The following SGK3 variants were observed in gnomAD, a reference collection of about 807,000 sequenced individuals.
The protein encoded by SGK3 is serine/threonine-protein kinase Sgk3.
SGK3 carries 47 observed loss-of-function variants against 68.5 expected under a neutral mutation model. The observed-to-expected ratio is 0.69, with a 90% CI of 0.54 to 0.87. The LOEUF (loss-of-function observed/expected upper bound fraction) is 0.87, where lower values mean the gene tolerates loss of function less well. SGK3 is among the 40% of genes least tolerant of loss of function. SGK3 has a pLI of 0.00. For missense variants in SGK3, 479 were observed against 575.5 expected (o/e 0.83, Z 1.72); for synonymous variants, 181 against 189.1 (o/e 0.96, Z 0.35).
intron 16 of SGK3, among the ~76,000 whole-genome samples, chr8:66,858,353 C>G (rs1304410080): frequency 6.6e-6 from 1 of 151,786 alleles, no homozygotes; most frequent in Non-Finnish European, 1.5e-5. Context: ...GTAGTCCCAG[C>G]TACTCGGGAG....
chr8:66,720,867 G>C (rs1804776489), intron 1 of SGK3, among the ~76,000 whole-genome samples: 1 of 151,924 alleles, frequency 6.6e-6, no homozygotes, highest in Non-Finnish European at 1.5e-5. Flanking sequence ...GATTGCTTGA[G>C]CTGCAGAGGC....
At chr8:66,791,806 A>G (rs183080420) in intron 1 of SGK3, among the ~76,000 whole-genome samples, 1 of 152,316 alleles carries the variant, frequency 6.6e-6, no homozygotes, top group East Asian at 1.9e-4. Context: ...GGACAGGGCC[A>G]GTCTGCCTTA....
chr8:66,724,713 A>T (rs1804927610), intron 1 of SGK3, among the ~76,000 whole-genome samples: 1 of 152,262 alleles, frequency 6.6e-6, no homozygotes, highest in Non-Finnish European at 1.5e-5. Context: ...GATGCAGAAC[A>T]TTGTGTATAA....
chr8:66,729,964 A>G (rs1167238650), intron 1 of SGK3, among the ~76,000 whole-genome samples: 1 of 151,898 alleles, frequency 6.6e-6, no homozygotes, highest in African/African-American at 2.4e-5. Context: ...CAGTCTTCAA[A>G]CTCTCGACCT....
intron 1 of SGK3, among the ~76,000 whole-genome samples, chr8:66,747,485 C>T (rs940567459): frequency 6.6e-6 from 1 of 152,120 alleles, no homozygotes; most frequent in African/African-American, 2.4e-5. Flanking sequence ...CTAAAGGAGA[C>T]CAAGATCTGG....
chr8:66,858,270 G>C (rs1810605606), intron 16 of SGK3, among the ~76,000 whole-genome samples: 1 of 151,920 alleles, frequency 6.6e-6, no homozygotes, highest in Non-Finnish European at 1.5e-5. Context: ...TCAAGACCAA[G>C]ACTGGCTAAC....
intron 1 of SGK3, among the ~76,000 whole-genome samples, chr8:66,716,252 G>T (rs3913346): frequency 6.6e-6 from 1 of 151,988 alleles, no homozygotes; most frequent in African/African-American, 2.4e-5. Flanking sequence ...TGCTACTTCC[G>T]CATCTTGTAG....
intron 1 of SGK3, among the ~76,000 whole-genome samples, chr8:66,773,783 G>A (rs1806592762): frequency 6.6e-6 from 1 of 152,050 alleles, no homozygotes; most frequent in Non-Finnish European, 1.5e-5. Flanking sequence ...AGATGGAGTG[G>A]GATAGCGTGA....
At chr8:66,765,214 C>A (rs1257138832) in intron 1 of SGK3, among the ~76,000 whole-genome samples, 3 of 152,240 alleles carry the variant, frequency 2.0e-5, no homozygotes, top group African/African-American at 7.2e-5. Context: ...CACATCCTCA[C>A]CAACACTTAG....
rs139058698 is a variant in SGK3, at chr8:66,839,569, G to A, written c.742-434G>A. ...TATATATATATATATTTTCATATGG[G>A]TTATATTTGTTCTGCTGGGCTCTAG... On this transcript the variant is annotated intron_variant, in intron 10 of 16. Transcript: ENST00000521198. 6.3e-3 allele frequency among the ~76,000 whole-genome samples: 570 copies of A among 90,906 alleles called. 20 individuals carry two copies. Among genetic ancestry groups the A allele is most frequent in the South Asian group, 0.019 (50 of 2,610 alleles). The allele number at this position is 90,906 out of a possible 152,430, so 59.6% of individuals were successfully genotyped here.
rs1000733742 is a variant in SGK3, at chr8:66,840,340, G to A, written c.891+93G>A. 2.9e-5 allele frequency: 35 copies of A among 1,198,104 alleles called. No individual in the cohort carries two copies. In the African/African-American group the frequency reaches 3.5e-4, roughly 12 times the overall value. The allele number at this position is 1,198,104 out of a possible 1,614,324, so 74.2% of individuals were successfully genotyped here. ...AAAAGTCTCAGAGATTCTGTACTGC[G>A]TTATTTTATTTATATAACATTCTCA... On this transcript the variant is annotated intron_variant, in intron 12 of 16. Transcript: ENST00000521198.
At chr8:66,818,875 A>G (rs1160858793) in intron 5 of SGK3, among the ~76,000 whole-genome samples, 2 of 152,342 alleles carry the variant, frequency 1.3e-5, no homozygotes, top group South Asian at 4.2e-4. Flanking sequence ...TGCCATTAGC[A>G]TACCTTTTGG....
chr8:66,832,879 G>A (rs1809359483), intron 8 of SGK3, among the ~76,000 whole-genome samples: 1 of 151,374 alleles, frequency 6.6e-6, no homozygotes, highest in Non-Finnish European at 1.5e-5. Flanking sequence ...ATCTTATACA[G>A]TTTATGAAAA....
chr8:66,830,927 A>T (rs1006372956), intron 7 of SGK3, among the ~76,000 whole-genome samples: 1 of 152,328 alleles, frequency 6.6e-6, no homozygotes, highest in South Asian at 2.1e-4. Flanking sequence ...ATTGGTTTAG[A>T]TAGAAGCTAT....
intron 14 of SGK3, among the ~76,000 whole-genome samples, chr8:66,846,084 GT>G (rs913231802): frequency 1.1e-4 from 17 of 150,938 alleles, no homozygotes; most frequent in African/African-American, 2.2e-4. Context: ...AATAAATTGG[GT>G]TTTTTTTTGT....
intron 1 of SGK3, among the ~76,000 whole-genome samples, chr8:66,716,153 TA>T (rs1804624602): frequency 6.6e-6 from 1 of 152,254 alleles, no homozygotes; most frequent in South Asian, 2.1e-4. Context: ...TGTTTTCCTT[TA>T]CCTTTTCCAT....
chr8:66,750,423 C>T lies in SGK3; in HGVS notation c.-122+37590C>T, dbSNP rs138580920. 3.6e-3 allele frequency among the ~76,000 whole-genome samples: 555 copies of T among 152,120 alleles called. 7 individuals are homozygous for T. Among genetic ancestry groups the T allele is most frequent in the African/African-American group, 0.013 (530 of 41,510 alleles). ...TTTGTCTAGGTGCTAGAGATACTATCCAATCCTGCCCTCAAAGAATGTAGA... is the reference window on the plus strand; with the variant it reads ...TTTGTCTAGGTGCTAGAGATACTATTCAATCCTGCCCTCAAAGAATGTAGA... On this transcript the variant is annotated intron_variant, in intron 1 of 16. Coordinates refer to ENST00000521198, the MANE Select transcript of SGK3 (RefSeq NM_001033578.3).
chr8:66,839,874 T>C (rs1301479771), intron 10 of SGK3, 129 bp from the exon 11 acceptor site: 2 of 823,484 alleles, frequency 2.4e-6, no homozygotes, highest in Non-Finnish European at 3.7e-6. Context: ...CTTGTTAACA[T>C]TTTTAGCTCA....
chr8:66,777,472 T>C (rs1806758244), intron 1 of SGK3, among the ~76,000 whole-genome samples: 1 of 152,124 alleles, frequency 6.6e-6, no homozygotes, highest in South Asian at 2.1e-4. Context: ...TGCCCTATTT[T>C]CCCCTCCCTC....
Sources: allele counts gnomAD v4.1 joint callset (sites outside exome capture counted in the v4.1 genomes callset), GRCh38; gene constraint gnomAD v4.1.1; transcripts MANE v1.5; gene names NCBI Gene and HGNC (gene_info 2026-07-23, HGNC 2026-07-21).